Variants in CNST observed in about 807,000 individuals in gnomAD.
CNST encodes the protein consortin.
In CNST, 39 loss-of-function variants were observed where a neutral mutation model predicts 72.4. That is an observed-to-expected ratio of 0.54 (90% CI 0.42 to 0.70). The LOEUF is 0.70. CNST is among the 30% of genes least tolerant of loss of function. The pLI is 0.00. For synonymous variants in CNST, 332 were observed against 320.1 expected (o/e 1.04, Z -0.40); for missense variants, 871 against 868.5 (o/e 1.00, Z -0.04).
intron 3 of CNST, among the ~76,000 whole-genome samples, chr1:246,625,291 C>G (rs1046192664): frequency 6.6e-6 from 1 of 152,134 alleles, no homozygotes; most frequent in African/African-American, 2.4e-5. Context: ...CCAGAATGCT[C>G]CCAGCCTTTC....
At chr1:246,629,474 C>T (rs910719579) in intron 3 of CNST, among the ~76,000 whole-genome samples, 3 of 152,152 alleles carry the variant, frequency 2.0e-5, no homozygotes, top group African/African-American at 7.2e-5. Flanking sequence ...GCTACAGAAG[C>T]CTGCAAGCTA....
intron 1 of CNST, among the ~76,000 whole-genome samples, chr1:246,576,061 C>T (rs1008937945): frequency 2.4e-4 from 36 of 149,566 alleles, no homozygotes; most frequent in Admixed American, 2.0e-4. Flanking sequence ...ATGGTGAAAC[C>T]GTGTCCCTAC....
chr1:246,578,723 A>G (rs1660605979), intron 1 of CNST, among the ~76,000 whole-genome samples: 1 of 152,080 alleles, frequency 6.6e-6, no homozygotes, highest in Non-Finnish European at 1.5e-5. Flanking sequence ...AAGGCTAAAT[A>G]GTATTATTAC....
chr1:246,620,217 G>A (rs1465811939), intron 2 of CNST, among the ~76,000 whole-genome samples: 2 of 15,382 alleles, frequency 1.3e-4, no homozygotes, highest in African/African-American at 2.7e-4. Flanking sequence ...CAGGGAGGAC[G>A]GCTTCATCGT....
intron 2 of CNST, among the ~76,000 whole-genome samples, chr1:246,599,609 T>C (rs1209332831): frequency 6.6e-6 from 1 of 152,180 alleles, no homozygotes; most frequent in Non-Finnish European, 1.5e-5. Flanking sequence ...ATAATCTCCC[T>C]TTTTAAAGAT....
At chr1:246,583,937 CTG>C (rs1660967348) in intron 1 of CNST, among the ~76,000 whole-genome samples, 1 of 152,126 alleles carries the variant, frequency 6.6e-6, no homozygotes, top group Non-Finnish European at 1.5e-5. Flanking sequence ...TTGCCTGTAA[CTG>C]TACTTTTTTT....
chr1:246,640,678 T>C (rs1665627077), intron 6 of CNST, among the ~76,000 whole-genome samples: 2 of 152,156 alleles, frequency 1.3e-5, no homozygotes, highest in Non-Finnish European at 2.9e-5. Context: ...GCTCTGTTTG[T>C]TAATAGTGAG....
At chr1:246,660,718 A>C (rs1258655171) in intron 10 of CNST, among the ~76,000 whole-genome samples, 3 of 152,218 alleles carry the variant, frequency 2.0e-5, no homozygotes, top group African/African-American at 7.2e-5. Context: ...GCGAGGCTCC[A>C]TCTCAAAAAA....
chr1:246,633,747 A>T lies in CNST; in HGVS notation c.617-177A>T, dbSNP rs545073199. Among the ~76,000 whole-genome samples the T allele has an allele frequency of 1.4e-3, 188 of 138,234 alleles. 1 individual carries two copies. Among genetic ancestry groups the T allele is most frequent in the African/African-American group, 5.0e-3 (174 of 34,954 alleles). The allele number at this position is 138,234 out of a possible 152,430, so 90.7% of individuals were successfully genotyped here. ...TACAGAGCAAGATTCCATCTCAAGGAAAAAAAAAAAAAAAGAGAGAAACAT... is the reference window on the plus strand; with the variant it reads ...TACAGAGCAAGATTCCATCTCAAGGTAAAAAAAAAAAAAAGAGAGAAACAT... On this transcript the variant is annotated intron_variant, in intron 4 of 10. Transcript: ENST00000366513.
rs199837696 is a variant in CNST at position 246,575,674 on chromosome 1, A to AAT, written c.-52+9013_-52+9014dup. On this transcript the variant is annotated intron_variant, in intron 1 of 10. Transcript: ENST00000366513. ...TAGAATTGATTGTGTACAATTTGTG[A>AAT]ATACTAAAAGCTATTGAATTGTGCA... is the stretch of plus-strand genomic sequence containing the variant. Among the ~76,000 whole-genome samples, 662 of 152,260 alleles carry AAT rather than the reference A, an allele frequency of 4.3e-3. 3 individuals carry two copies. The highest frequency in any genetic ancestry group is 0.015 in the African/African-American group (635 of 41,530).
chr1:246,608,162 A>C (rs943673067), intron 2 of CNST: 7 of 151,782 alleles, frequency 4.6e-5, no homozygotes, highest in Non-Finnish European at 8.8e-5. Context: ...CTACAAAAAA[A>C]ACAAATAAAT....
chr1:246,659,318 GGT>G (rs1558599320), intron 9 of CNST, among the ~76,000 whole-genome samples: 5 of 152,188 alleles, frequency 3.3e-5, no homozygotes, highest in Non-Finnish European at 5.9e-5. Flanking sequence ...TCCCAGGCCG[GGT>G]GCGGTGGCTC....
intron 6 of CNST, among the ~76,000 whole-genome samples, chr1:246,635,872 G>A (rs1205077793): frequency 2.0e-5 from 3 of 152,158 alleles, no homozygotes; most frequent in Admixed American, 6.5e-5. Context: ...TTTAAGGACC[G>A]TTTTTCTCTG....
rs754661102 is a variant in CNST, at chr1:246,660,293, G to A, written c.1931G>A (p.Arg644Gln). 8.1e-6 allele frequency: 13 copies of A among 1,614,082 alleles called. No homozygotes were observed. The highest frequency in any genetic ancestry group is 6.7e-5 in the East Asian group (3 of 44,876). Reference sequence around the variant, plus strand: ...CAAATGCAACACAAACCATCTAAGCGAAGAGTGAGATTCCAAGAAATAGAC... The same window carrying A: ...CAAATGCAACACAAACCATCTAAGCAAAGAGTGAGATTCCAAGAAATAGAC... ...PAQMQHKPSKRRVRFQEIDDS... is the reference protein window; with the variant it reads ...PAQMQHKPSKQRVRFQEIDDS... Residue 644 changes from arginine to glutamine, a missense_variant, in exon 10 of 11, where the codon CGA becomes CAA. Transcript: ENST00000366513.
chr1:246,633,418 C>T (rs1160694284), intron 4 of CNST, among the ~76,000 whole-genome samples: 2 of 150,308 alleles, frequency 1.3e-5, no homozygotes, highest in Non-Finnish European at 3.0e-5. Context: ...CACTGCACTC[C>T]AGCCTCGGTG....
chr1:246,616,903 C>T (rs929294555), intron 2 of CNST, among the ~76,000 whole-genome samples: 5 of 151,006 alleles, frequency 3.3e-5, no homozygotes, highest in African/African-American at 7.3e-5. Flanking sequence ...TGACATCAAA[C>T]GTAATAATAA....
intron 9 of CNST, among the ~76,000 whole-genome samples, chr1:246,659,965 G>A (rs1009837582): frequency 6.6e-6 from 1 of 152,318 alleles, no homozygotes; most frequent in African/African-American, 2.4e-5. Flanking sequence ...CCTGTCCCCG[G>A]AGTGAGTTCA....
intron 2 of CNST, among the ~76,000 whole-genome samples, chr1:246,614,611 A>G (rs2103066339): frequency 6.6e-6 from 1 of 151,108 alleles, no homozygotes; most frequent in East Asian, 2.0e-4. Flanking sequence ...AGCTGGGATT[A>G]TAGGCATGCG....
At chr1:246,609,804 G>A (rs1317486736) in intron 2 of CNST, among the ~76,000 whole-genome samples, 1 of 152,186 alleles carries the variant, frequency 6.6e-6, no homozygotes, top group Non-Finnish European at 1.5e-5. Context: ...ATTCGGTTAT[G>A]CAATGACTCA....
Sources: gnomAD v4.1 joint callset for allele counts (sites outside exome capture counted in the v4.1 genomes callset) on GRCh38, gnomAD v4.1.1 for gene constraint, MANE v1.5 for transcripts, NCBI Gene and HGNC (gene_info 2026-07-23, HGNC 2026-07-21) for gene names.